H2AZ2: variants seen among roughly 807,000 people sequenced by gnomAD.
The protein encoded by H2AZ2 is H2A.Z variant histone 2.
A neutral mutation model predicts 15.5 loss-of-function variants in H2AZ2; 5 were observed. The ratio of observed to expected loss-of-function variants is 0.32; its 90% CI spans 0.17 to 0.68. The LOEUF (loss-of-function observed/expected upper bound fraction) is 0.68, where lower values mean the gene tolerates loss of function less well. H2AZ2 is among the 30% of genes least tolerant of loss of function. The pLI is 0.72. For synonymous variants in H2AZ2, 44 were observed against 57.4 expected (o/e 0.77, Z 1.05); for missense variants, 42 against 162.5 (o/e 0.26, Z 4.03).
chr7:44,834,614 A>G, intron 4 of H2AZ2, 52 bp from the exon 5 acceptor site: 1 of 1,480,220 alleles, frequency 6.8e-7, no homozygotes, highest in Non-Finnish European at 9.3e-7. Context: ...TTTTGCCTCA[A>G]GTAAAAAGTT....
At chr7:44,826,974 T>C (rs1792933902) in exon 5 of H2AZ2, 1 of 152,208 alleles carries the variant, frequency 6.6e-6, no homozygotes, top group African/African-American at 2.4e-5. Flanking sequence ...TTTTTTTTGC[T>C]GATAAGCAGT....
intron 1 of H2AZ2, among the ~76,000 whole-genome samples, chr7:44,846,024 TACACACACACACACACACACACAC>T (rs10573522): frequency 7.5e-6 from 1 of 132,754 alleles, no homozygotes; most frequent in African/African-American, 2.7e-5. Context: ...TTTAAAAAAT[TACACACACACACACACACACACAC>T]ACACACACAC....
intron 4 of H2AZ2, 93 bp from the exon 5 acceptor site, chr7:44,834,655 C>T (rs1239947326): frequency 5.0e-6 from 6 of 1,197,118 alleles, no homozygotes; most frequent in Middle Eastern, 2.8e-4. Context: ...TTACTTAAGT[C>T]CCTTTTCATA....
intron 3 of H2AZ2, among the ~76,000 whole-genome samples, chr7:44,836,864 C>T (rs1419310088): frequency 3.3e-5 from 5 of 151,856 alleles, no homozygotes; most frequent in African/African-American, 1.2e-4. Context: ...GGTGTGGTGG[C>T]AGGCACCTGT....
intron 3 of H2AZ2, among the ~76,000 whole-genome samples, chr7:44,838,674 C>CT (rs1459615145): frequency 6.6e-6 from 1 of 151,964 alleles, no homozygotes; most frequent in Non-Finnish European, 1.5e-5. Flanking sequence ...ACAAGAAAAA[C>CT]CCCAAAAACA....
chr7:44,829,989 T>G, downstream of H2AZ2: 1 of 606,496 alleles, frequency 1.6e-6, no homozygotes, highest in Non-Finnish European at 2.9e-6. Flanking sequence ...TCAAGAATCT[T>G]GCTTAAAATT....
At chr7:44,837,939 T>C (rs1562786692) in intron 3 of H2AZ2, among the ~76,000 whole-genome samples, 1 of 152,092 alleles carries the variant, frequency 6.6e-6, no homozygotes, top group African/African-American at 2.4e-5. Flanking sequence ...CTATGTGGTC[T>C]ATTTCTGCAG....
At chr7:44,838,572 G>A (rs371584147) in intron 3 of H2AZ2, among the ~76,000 whole-genome samples, 2 of 152,220 alleles carry the variant, frequency 1.3e-5, no homozygotes, top group South Asian at 4.1e-4. Context: ...AGAATTACTG[G>A]AACCCAGAAG....
In H2AZ2 at chr7:44,833,415, TA is replaced by T. The variant is rs976289301; in HGVS notation, c.*1085del. On this transcript the variant is annotated 3_prime_UTR_variant, in exon 5 of 5. Coordinates refer to ENST00000308153, the MANE Select transcript of H2AZ2 (RefSeq NM_012412.5). ...ACCCGGCTAATTTTTTGTATTTTTT[TA>T]AATAGAGACGGGGTTTCACCATGTT... 7.9e-5 allele frequency among the ~76,000 whole-genome samples: 12 copies of T among 152,098 alleles called. No individual in the cohort carries two copies. The highest frequency in any genetic ancestry group is 2.9e-4 in the African/African-American group (12 of 41,416).
At chr7:44,841,058 T>C in intron 2 of H2AZ2, 46 bp from the exon 3 acceptor site, 3 of 1,334,338 alleles carry the variant, frequency 2.2e-6, no homozygotes, top group Non-Finnish European at 3.2e-6. Flanking sequence ...AGTCTTAACA[T>C]TGCACTGACT....
intron 2 of H2AZ2, among the ~76,000 whole-genome samples, 167 bp downstream of exon 2, chr7:44,843,110 G>A (rs1211300918): frequency 9.2e-6 from 1 of 108,124 alleles, no homozygotes; most frequent in Non-Finnish European, 1.7e-5. Flanking sequence ...CTGCACTCCA[G>A]CCTGACGACA....
chr7:44,846,536 G>C (rs1277014085), intron 1 of H2AZ2, among the ~76,000 whole-genome samples: 3 of 151,682 alleles, frequency 2.0e-5, no homozygotes, highest in African/African-American at 7.3e-5. Flanking sequence ...GCTTGAACCC[G>C]GGAGGCGGAG....
At chr7:44,836,627 C>T (rs540877106) in intron 3 of H2AZ2, among the ~76,000 whole-genome samples, 4 of 152,134 alleles carry the variant, frequency 2.6e-5, no homozygotes, top group Admixed American at 6.5e-5. Flanking sequence ...AAACTATTCT[C>T]CTGCCTCAGC....
At chr7:44,847,715 C>G (rs1793447323) in intron 1 of H2AZ2, among the ~76,000 whole-genome samples, 1 of 152,208 alleles carries the variant, frequency 6.6e-6, no homozygotes, top group Non-Finnish European at 1.5e-5. Flanking sequence ...TGCAGCGTCA[C>G]AAGCGTCGGG....
At chr7:44,840,537 G>A (rs1344229509) in intron 3 of H2AZ2, among the ~76,000 whole-genome samples, 3 of 152,230 alleles carry the variant, frequency 2.0e-5, no homozygotes, top group African/African-American at 7.2e-5. Context: ...TTGGGAGGCT[G>A]AGGCAGGTAG....
chr7:44,840,761 ACT>A (rs1368382413), intron 3 of H2AZ2, 136 bp downstream of exon 3: 6 of 599,686 alleles, frequency 1.0e-5, no homozygotes, highest in African/African-American at 5.6e-5. Flanking sequence ...CAAGAGTGAA[ACT>A]CTGTCTCCAA....
chr7:44,846,498 C>T (rs1293901017), intron 1 of H2AZ2, among the ~76,000 whole-genome samples: 2 of 151,784 alleles, frequency 1.3e-5, no homozygotes, highest in Non-Finnish European at 2.9e-5. Context: ...ACGCCTGTAG[C>T]TATTCGGGAG....
At chr7:44,834,654 T>A in intron 4 of H2AZ2, 92 bp from the exon 5 acceptor site, 1 of 1,189,670 alleles carries the variant, frequency 8.4e-7, no homozygotes, top group Non-Finnish European at 1.2e-6. Context: ...TTTACTTAAG[T>A]CCCTTTTCAT....
chr7:44,834,599 A>C, intron 4 of H2AZ2, 37 bp from the exon 5 acceptor site: 1 of 1,555,326 alleles, frequency 6.4e-7, no homozygotes, highest in South Asian at 1.2e-5. Context: ...AAAAACTTTT[A>C]AAGTTTTTGC....
Sources: gnomAD v4.1 joint callset for allele counts (sites outside exome capture counted in the v4.1 genomes callset) on GRCh38, gnomAD v4.1.1 for gene constraint, MANE v1.5 for transcripts, NCBI Gene and HGNC (gene_info 2026-07-23, HGNC 2026-07-21) for gene names.